Variants in STYK1 observed in about 807,000 individuals in gnomAD.
STYK1 encodes STY kinase 1.
In STYK1, 46 loss-of-function variants were observed where a neutral mutation model predicts 48.1. The observed-to-expected ratio is 0.96, with a 90% CI of 0.75 to 1.22. STYK1 has a LOEUF of 1.22. STYK1 is among the 50% of genes most tolerant of loss of function. The pLI is 0.00. For missense variants in STYK1, 527 were observed against 521.1 expected, an observed-to-expected ratio of 1.01 and a Z score of -0.11; for synonymous variants, 188 against 189.0, an observed-to-expected ratio of 0.99 and a Z score of 0.04.
chr12:10,640,381 C>T (rs11053890), intron 1 of STYK1, among the ~76,000 whole-genome samples: 6,492 of 152,166 alleles, frequency 0.043, 456 homozygotes, highest in African/African-American at 0.14. Context: ...TCCAGAGAAG[C>T]GTATTTGTGT....
rs866925878 is a variant in STYK1 at position 10,624,691 on chromosome 12, C to T, written c.886G>A (p.Glu296Lys). The change falls in exon 8 of 11, where the codon GAA becomes AAA. Residue 296 changes from glutamate to lysine, a missense_variant. By Grantham distance (56) the Glu-to-Lys change is moderately conservative (BLOSUM62 1). Transcript: ENST00000075503. ...QTIPLKWLAP[E>K]RLLLRPASIR... is the part of the protein sequence containing the mutation. ...CTAGCAGGTCTCAGGAGAAGCCGTT[C>T]TGGGGCAAGCCACTTGAGAGGTATG... is the stretch of plus-strand genomic sequence containing the variant. 5 of 1,613,980 alleles carry T rather than the reference C, an allele frequency of 3.1e-6. No individual in the cohort carries two copies. The highest frequency in any genetic ancestry group is 4.2e-6 in the Non-Finnish European group (5 of 1,180,024).
At position 10,650,289 on chromosome 12, in the gene STYK1, C is replaced by G. The variant is rs146223765; in HGVS notation, c.-194-13093G>C. On this transcript the variant is annotated intron_variant, in intron 1 of 10. Coordinates refer to ENST00000075503, the MANE Select transcript of STYK1 (RefSeq NM_018423.3). ...TAGTAAAGGAGAAAGAATAAAAGAA[C>G]CAGTGTCAGAGTTAGGGGTGGATTT... Among the ~76,000 whole-genome samples the G allele has an allele frequency of 7.5e-3, 1,140 of 152,114 alleles. 7 individuals carry two copies. The highest frequency in any genetic ancestry group is 0.011 in the Non-Finnish European group (723 of 67,994).
chr12:10,626,258 G>GAATGC (rs1290217004), intron 7 of STYK1, among the ~76,000 whole-genome samples: 1 of 152,208 alleles, frequency 6.6e-6, no homozygotes, highest in African/African-American at 2.4e-5. Flanking sequence ...GGGTCCTGAT[G>GAATGC]AATGCACCAA....
intron 1 of STYK1, among the ~76,000 whole-genome samples, chr12:10,668,652 C>A (rs1442407976): frequency 6.6e-6 from 1 of 150,466 alleles, no homozygotes; most frequent in Non-Finnish European, 1.5e-5. Context: ...GCCTCAGCCT[C>A]CCAAAGTGTT....
chr12:10,647,739 G>C (rs1399085920), intron 1 of STYK1, among the ~76,000 whole-genome samples: 2 of 152,162 alleles, frequency 1.3e-5, no homozygotes, highest in African/African-American at 4.8e-5. Context: ...GGGACAAAGT[G>C]GGAGGTAATT....
chr12:10,630,698 C>T (rs1947416749), intron 5 of STYK1, among the ~76,000 whole-genome samples: 2 of 151,708 alleles, frequency 1.3e-5, no homozygotes, highest in Admixed American at 6.6e-5. Flanking sequence ...ATCCAATATC[C>T]TTTCATGATA....
At chr12:10,635,989 T>C (rs1320670783) in intron 2 of STYK1, among the ~76,000 whole-genome samples, 2 of 152,232 alleles carry the variant, frequency 1.3e-5, no homozygotes, top group African/African-American at 4.8e-5. Context: ...AGTCTAAATA[T>C]GTGATCCAGT....
chr12:10,625,167 G>GAC (rs1228994068), intron 7 of STYK1, among the ~76,000 whole-genome samples: 1 of 152,160 alleles, frequency 6.6e-6, no homozygotes, highest in Non-Finnish European at 1.5e-5. Flanking sequence ...GACCCAGCTA[G>GAC]ACACTGGAAA....
chr12:10,633,844 C>T, intron 4 of STYK1, 146 bp downstream of exon 4: 2 of 933,036 alleles, frequency 2.1e-6, no homozygotes, highest in South Asian at 3.9e-5. Flanking sequence ...GATCATCCCC[C>T]TCTCAACTCC....
intron 2 of STYK1, 92 bp from the exon 3 acceptor site, chr12:10,634,778 T>C: frequency 2.8e-6 from 2 of 706,932 alleles, no homozygotes; most frequent in Non-Finnish European, 4.6e-6. Context: ...TACAGATCAC[T>C]AGTTAAGTAA....
chr12:10,667,053 T>C (rs1005524238), intron 1 of STYK1, among the ~76,000 whole-genome samples: 7 of 152,240 alleles, frequency 4.6e-5, no homozygotes, highest in African/African-American at 1.7e-4. Context: ...CCTAGAATTA[T>C]ATACATAATT....
chr12:10,639,634 G>A (rs1333567520), intron 1 of STYK1, among the ~76,000 whole-genome samples: 3 of 151,960 alleles, frequency 2.0e-5, no homozygotes, highest in Non-Finnish European at 4.4e-5. Context: ...GGCTGGTCTC[G>A]AACTCCTGAC....
Position 10,620,115 on chromosome 12 carries a change from AT to A in STYK1, c.*28del. 1 of 1,610,506 alleles carries A rather than the reference AT, an allele frequency of 6.2e-7. No homozygotes were observed. The highest frequency in any genetic ancestry group is 8.5e-7 in the Non-Finnish European group (1 of 1,176,694). On this transcript the variant is annotated 3_prime_UTR_variant, in exon 11 of 11. Transcript: ENST00000075503. ...GAATTGATTCCAAGAACATATACTC[AT>A]GCATGAATGTTTCTTGCCCGAGACT...
chr12:10,629,765 T>A, intron 5 of STYK1, 91 bp from the exon 6 acceptor site: 1 of 1,461,526 alleles, frequency 6.8e-7, no homozygotes, highest in Non-Finnish European at 9.5e-7. Context: ...AGATGTTAAT[T>A]CTCAAGGCCC....
intron 1 of STYK1, among the ~76,000 whole-genome samples, chr12:10,653,132 GC>G (rs1947680145): frequency 6.6e-6 from 1 of 152,062 alleles, no homozygotes; most frequent in South Asian, 2.1e-4. Flanking sequence ...GAGTGCAGTG[GC>G]GTGATATCGG....
intron 1 of STYK1, among the ~76,000 whole-genome samples, chr12:10,646,016 G>A (rs1993498): frequency 0.58 from 87,865 of 152,034 alleles, 25,968 homozygotes; most frequent in East Asian, 0.78. Flanking sequence ...ACTTGGAACC[G>A]TAAGTCCATT....
In STYK1 at chr12:10,620,161, T is replaced by C. The variant is rs748899539; in HGVS notation, c.1252A>G (p.Asn418Asp). The part of the protein sequence containing the change: ...AGIRVESLFY[N>D]YSML ...GAGACTCTTCAAAGCATGCTATAGT[T>C]GTAGAAGAGGCTCTCCACTCTGATG... The change falls in exon 11 of 11, where the codon AAC (asparagine) becomes GAC (aspartate). Residue 418 changes from asparagine (N) to aspartate (D), a missense_variant. Transcript: ENST00000075503. The C allele has an allele frequency of 3.7e-6, 6 of 1,614,212 alleles. No homozygotes were observed. Among genetic ancestry groups the C allele is most frequent in the Non-Finnish European group, 5.1e-6 (6 of 1,180,042 alleles).
chr12:10,633,901 A>G, intron 4 of STYK1, 89 bp downstream of exon 4: 1 of 1,502,500 alleles, frequency 6.7e-7, no homozygotes, highest in Non-Finnish European at 9.0e-7. Context: ...CTAGACTTCT[A>G]GACATGGGCT....
At chr12:10,663,598 CAAAAAAAAAAAAAAAAAAAAAAA>C (rs34019110) in intron 1 of STYK1, among the ~76,000 whole-genome samples, 3 of 51,472 alleles carry the variant, frequency 5.8e-5, no homozygotes, top group African/African-American at 1.4e-4. Context: ...GACTCTGTCT[CAAAAAAAAAAAAAAAAAAAAAAA>C]AAAAAAAAAA....
Sources: allele counts gnomAD v4.1 joint callset (sites outside exome capture counted in the v4.1 genomes callset), GRCh38; gene constraint gnomAD v4.1.1; transcripts MANE v1.5; gene names NCBI Gene and HGNC (gene_info 2026-07-23, HGNC 2026-07-21).